Variants in PIP4K2A observed in about 807,000 individuals in gnomAD.
PIP4K2A encodes phosphatidylinositol 5-phosphate 4-kinase type-2 alpha.
A neutral mutation model predicts 42.9 loss-of-function variants in PIP4K2A; 14 were observed. The ratio of observed to expected loss-of-function variants is 0.33; its 90% CI spans 0.22 to 0.51. The LOEUF (loss-of-function observed/expected upper bound fraction) is 0.51, where lower values mean the gene tolerates loss of function less well. Ranked by LOEUF, PIP4K2A falls within the 20% of genes least tolerant of loss-of-function variation. The probability of loss-of-function intolerance (pLI) is 0.97; values close to 1 mark genes in which losing one functional copy is unlikely to be tolerated. For missense variants in PIP4K2A, 434 were observed against 519.8 expected (o/e 0.83, Z 1.61); for synonymous variants, 192 against 192.2 (o/e 1.00, Z 0.01).
chr10:22,661,211 C>T (rs1359276920), intron 1 of PIP4K2A, among the ~76,000 whole-genome samples: 1 of 152,196 alleles, frequency 6.6e-6, no homozygotes, highest in African/African-American at 2.4e-5. Flanking sequence ...GTGACAAAAA[C>T]CACTGTTAAC....
chr10:22,559,572 A>C (rs949358465), intron 6 of PIP4K2A, among the ~76,000 whole-genome samples: 4 of 152,202 alleles, frequency 2.6e-5, no homozygotes, highest in African/African-American at 9.7e-5. Context: ...GAGATATTCT[A>C]AATGAAGCTT....
intron 1 of PIP4K2A, among the ~76,000 whole-genome samples, chr10:22,612,841 G>C (rs1404139711): frequency 6.6e-6 from 1 of 152,176 alleles, no homozygotes; most frequent in Non-Finnish European, 1.5e-5. Flanking sequence ...GTAGGCCGTG[G>C]ACAGGTGGGT....
chr10:22,614,830 T>A (rs1838139664), intron 1 of PIP4K2A, among the ~76,000 whole-genome samples: 1 of 152,232 alleles, frequency 6.6e-6, no homozygotes, highest in African/African-American at 2.4e-5. Context: ...AACTAAAATA[T>A]ATTGCTTGTC....
rs544836315 is a variant in PIP4K2A, at chr10:22,712,578, A to G, written c.144+1605T>C. On this transcript the variant is annotated intron_variant, in intron 1 of 9. Coordinates refer to ENST00000376573, the MANE Select transcript of PIP4K2A (RefSeq NM_005028.5). Reference sequence around the variant, plus strand: ...ATAAAAGAGCTTAACAAAATTATACATAACTCTACATTGTAAACTTATTAC... The same window carrying G: ...ATAAAAGAGCTTAACAAAATTATACGTAACTCTACATTGTAAACTTATTAC... Among the ~76,000 whole-genome samples the G allele has an allele frequency of 4.8e-4, 73 of 152,372 alleles. 1 individual carries two copies. Among genetic ancestry groups the G allele is most frequent in the South Asian group, 6.2e-4 (3 of 4,830 alleles).
intron 1 of PIP4K2A, among the ~76,000 whole-genome samples, chr10:22,678,175 C>G (rs1237217972): frequency 1.3e-5 from 2 of 151,838 alleles, no homozygotes; most frequent in Admixed American, 6.6e-5. Flanking sequence ...CAATTGTCTT[C>G]TCAGTGTTAC....
chr10:22,580,583 C>G (rs945768246), intron 4 of PIP4K2A, among the ~76,000 whole-genome samples: 1 of 149,412 alleles, frequency 6.7e-6, no homozygotes, highest in Non-Finnish European at 1.5e-5. Flanking sequence ...CCCGGTCATT[C>G]TCTTCTTTGT....
chr10:22,537,620 A>C (rs1046706374), intron 9 of PIP4K2A, among the ~76,000 whole-genome samples: 2 of 152,228 alleles, frequency 1.3e-5, no homozygotes, highest in African/African-American at 2.4e-5. Flanking sequence ...AAGTCACGGA[A>C]ACAATACTTA....
intron 2 of PIP4K2A, among the ~76,000 whole-genome samples, chr10:22,608,634 G>C (rs989109883): frequency 1.3e-5 from 2 of 152,214 alleles, no homozygotes; most frequent in Non-Finnish European, 2.9e-5. Context: ...CACTTTGGGA[G>C]ACTGAGGTGG....
intron 5 of PIP4K2A, among the ~76,000 whole-genome samples, chr10:22,572,981 T>G (rs1203100444): frequency 1.3e-5 from 2 of 152,238 alleles, no homozygotes; most frequent in Non-Finnish European, 2.9e-5. Flanking sequence ...AACTTATCAC[T>G]TTTACTTACT....
At chr10:22,570,237 C>T (rs1836952471) in intron 5 of PIP4K2A, among the ~76,000 whole-genome samples, 1 of 152,166 alleles carries the variant, frequency 6.6e-6, no homozygotes, top group Admixed American at 6.5e-5. Context: ...TCAAAACATC[C>T]CTGCAAATGT....
chr10:22,687,991 C>T (rs1169569681), intron 1 of PIP4K2A, among the ~76,000 whole-genome samples: 1 of 151,850 alleles, frequency 6.6e-6, no homozygotes, highest in Non-Finnish European at 1.5e-5. Flanking sequence ...TTGTAAACCT[C>T]AAATATACAG....
rs1359793502 is a variant in PIP4K2A at position 22,703,670 on chromosome 10, G to A, written c.144+10513C>T. On this transcript the variant is annotated intron_variant, in intron 1 of 9. Transcript: ENST00000376573. Reference sequence around the variant, plus strand: ...TAAAGCCTTTGGAAGGTTTAACTGAGGACATGACATGAAATCATCTACAGT... The same window carrying A: ...TAAAGCCTTTGGAAGGTTTAACTGAAGACATGACATGAAATCATCTACAGT... Among the ~76,000 whole-genome samples the A allele has an allele frequency of 2.6e-5, 4 of 152,312 alleles. No individual in the cohort carries two copies. In the East Asian group the frequency reaches 7.7e-4, roughly 29 times the overall value.
intron 3 of PIP4K2A, among the ~76,000 whole-genome samples, chr10:22,600,400 TTA>T (rs1491032964): frequency 6.6e-6 from 1 of 152,010 alleles, no homozygotes; most frequent in African/African-American, 2.4e-5. Flanking sequence ...AGTAATAGAT[TTA>T]GAGACCTGAC....
intron 6 of PIP4K2A, among the ~76,000 whole-genome samples, chr10:22,565,840 C>CA (rs1323077933): frequency 6.6e-6 from 1 of 150,660 alleles, no homozygotes; most frequent in African/African-American, 2.5e-5. Flanking sequence ...TATAAACAGC[C>CA]CCCCCAGGTG....
intron 4 of PIP4K2A, among the ~76,000 whole-genome samples, chr10:22,573,674 A>AT: frequency 6.6e-6 from 1 of 152,144 alleles, no homozygotes; most frequent in Non-Finnish European, 1.5e-5. Flanking sequence ...CTCCAAACAG[A>AT]TTTTTTTCCA....
chr10:22,608,838 C>T (rs1837966167), intron 2 of PIP4K2A, among the ~76,000 whole-genome samples: 1 of 152,208 alleles, frequency 6.6e-6, no homozygotes, highest in African/African-American at 2.4e-5. Flanking sequence ...AATTTCACCA[C>T]TGCACACCAG....
At chr10:22,712,911 A>AGG (rs201129760) in intron 1 of PIP4K2A, among the ~76,000 whole-genome samples, 8,743 of 137,540 alleles carry the variant, frequency 0.064, 680 homozygotes, top group African/African-American at 0.24. Flanking sequence ...CACTACATTG[A>AGG]GGGTGTGTGT....
At chr10:22,552,647 T>C (rs546536385) in intron 6 of PIP4K2A, among the ~76,000 whole-genome samples, 1 of 151,960 alleles carries the variant, frequency 6.6e-6, no homozygotes, top group South Asian at 2.1e-4. Flanking sequence ...AGTGAGAACA[T>C]AAGCACTGCC....
At chr10:22,540,989 T>C (rs1013870004) in intron 8 of PIP4K2A, among the ~76,000 whole-genome samples, 51 of 152,370 alleles carry the variant, frequency 3.3e-4, no homozygotes, top group African/African-American at 1.2e-3. Flanking sequence ...TCAGCTGATA[T>C]GCCATTTGAG....
Sources: allele counts gnomAD v4.1 joint callset (sites outside exome capture counted in the v4.1 genomes callset), GRCh38; gene constraint gnomAD v4.1.1; transcripts MANE v1.5; gene names NCBI Gene and HGNC (gene_info 2026-07-23, HGNC 2026-07-21).